Variants in ARHGAP44 observed in about 807,000 individuals in gnomAD.
ARHGAP44 encodes Rho GTPase activating protein 44, also known as rho GTPase-activating protein 44.
Under a neutral mutation model 106.8 loss-of-function variants are expected in ARHGAP44, and 43 were observed. The observed-to-expected ratio is 0.40, with a 90% confidence interval of 0.32 to 0.52. The LOEUF is 0.52. ARHGAP44 is among the 20% of genes least tolerant of loss of function. The pLI is 0.48. For synonymous variants in ARHGAP44, 439 were observed against 410.3 expected, an observed-to-expected ratio of 1.07 and a Z score of -0.85; for missense variants, 866 against 1,050.5, an observed-to-expected ratio of 0.82 and a Z score of 2.43.
At position 12,803,091 on chromosome 17, in the gene ARHGAP44, G is replaced by C. The variant is rs556778595; in HGVS notation, c.53+13200G>C. 8.2e-3 allele frequency among the ~76,000 whole-genome samples: 1,219 copies of C among 148,588 alleles called. 4 individuals carry two copies. The highest frequency in any genetic ancestry group is 0.029 in the African/African-American group (1,173 of 40,310). On this transcript the variant is annotated intron_variant, in intron 1 of 20. Coordinates refer to ENST00000379672, the MANE Select transcript of ARHGAP44 (RefSeq NM_014859.6). ...GGGTTCAAGCAATTCTCCTGCCTCAGCCTCCCGAGTAGCTGGGATTACAGG... is the reference window on the plus strand; with the variant it reads ...GGGTTCAAGCAATTCTCCTGCCTCACCCTCCCGAGTAGCTGGGATTACAGG...
intron 19 of ARHGAP44, 81 bp from the exon 20 acceptor site, chr17:12,984,450 G>GTCCA: frequency 6.8e-7 from 1 of 1,460,110 alleles, no homozygotes; most frequent in South Asian, 1.4e-5. Context: ...TTTGAACGCT[G>GTCCA]AAGGGTGTGT....
At chr17:12,832,006 A>G (rs2035102273) in intron 1 of ARHGAP44, among the ~76,000 whole-genome samples, 1 of 152,188 alleles carries the variant, frequency 6.6e-6, no homozygotes, top group Non-Finnish European at 1.5e-5. Flanking sequence ...ACTGAAGCCT[A>G]GGCCAGAAGA....
At position 12,887,866 on chromosome 17, in the gene ARHGAP44, G is replaced by GTT. The variant is rs540643103; in HGVS notation, c.54-7061_54-7060dup. Among the ~76,000 whole-genome samples, 270 of 126,344 alleles carry GTT rather than the reference G, an allele frequency of 2.1e-3. 1 individual carries two copies. The Middle Eastern group carries it at 0.027, about 13-fold the overall frequency. The allele number at this position is 126,344 out of a possible 152,430, so 82.9% of individuals were successfully genotyped here. ...TATTATGTGTATTGCAATCATTTTT[G>GTT]TTTTTTTTTTTTTTAGGAATTTGTC... On this transcript the variant is annotated intron_variant, in intron 1 of 20. Coordinates refer to ENST00000379672, the MANE Select transcript of ARHGAP44 (RefSeq NM_014859.6).
chr17:12,872,456 G>A (rs2036433703), intron 1 of ARHGAP44, among the ~76,000 whole-genome samples: 1 of 1,870 alleles, frequency 5.3e-4, no homozygotes, highest in Non-Finnish European at 1.7e-3. Context: ...AAACTTTCTC[G>A]AAAGATAGGT....
intron 1 of ARHGAP44, among the ~76,000 whole-genome samples, chr17:12,792,201 C>G (rs780023845): frequency 6.6e-6 from 1 of 152,150 alleles, no homozygotes; most frequent in Non-Finnish European, 1.5e-5. Context: ...TGTGCTCCTT[C>G]CAAGTAGCTT....
chr17:12,868,012 G>T (rs1477256879), intron 1 of ARHGAP44, among the ~76,000 whole-genome samples: 1 of 152,142 alleles, frequency 6.6e-6, no homozygotes, highest in Non-Finnish European at 1.5e-5. Flanking sequence ...ACAAAGAGAC[G>T]GTGGATGAGG....
chr17:12,850,582 G>A (rs1484679405), intron 1 of ARHGAP44, among the ~76,000 whole-genome samples: 1 of 148,202 alleles, frequency 6.7e-6, no homozygotes, highest in Non-Finnish European at 1.5e-5. Flanking sequence ...GGGGTGGAGT[G>A]GAGAGAGGGC....
chr17:12,937,503 G>A (rs766570784), intron 7 of ARHGAP44, among the ~76,000 whole-genome samples: 23 of 152,114 alleles, frequency 1.5e-4, no homozygotes, highest in Non-Finnish European at 3.2e-4. Flanking sequence ...TTTCCGCAGA[G>A]GTTTCTGCTA....
rs1598115499 is a variant in ARHGAP44, at chr17:12,956,872, C to T, written c.1342+126C>T. On this transcript the variant is annotated intron_variant, in intron 15 of 20. Transcript: ENST00000379672. ...TTTTTTTGATTCCCCTATAAACACA[C>T]ACACACACACACACACGCATGCAGA... The T allele has an allele frequency of 1.3e-5, 3 of 223,644 alleles. No homozygotes were observed. In the South Asian group the frequency reaches 1.9e-4, roughly 14 times the overall value. 13.9% of individuals were successfully genotyped at this position (223,644 alleles called of 1,614,324 possible).
chr17:12,952,529 G>C lies in ARHGAP44; in HGVS notation c.1084G>C (p.Ala362Pro). ...CCAGGAGCAAGACAAGAAGCTTCAGGCTCTATGGAATGCTTGTGAAAAGTT... is the reference window on the plus strand; with the variant it reads ...CCAGGAGCAAGACAAGAAGCTTCAGCCTCTATGGAATGCTTGTGAAAAGTT... ...NVQEQDKKLQ[A>P]LWNACEKLPK... is the part of the protein sequence containing the mutation. Residue 362 changes from alanine (A) to proline (P), a missense_variant, in exon 13 of 21, where the codon GCT becomes CCT. By Grantham distance (27) the Ala-to-Pro change is conservative. This residue lies in a region of ARHGAP44 where 448 missense variants were observed against 646.9 expected (regional missense o/e 0.69). Coordinates refer to ENST00000379672, the MANE Select transcript of ARHGAP44 (RefSeq NM_014859.6). The C allele has an allele frequency of 6.3e-7, 1 of 1,581,862 alleles. No individual in the cohort carries two copies. The highest frequency in any genetic ancestry group is 8.6e-7 in the Non-Finnish European group (1 of 1,163,434).
At chr17:12,812,843 T>G (rs113029436) in intron 1 of ARHGAP44, among the ~76,000 whole-genome samples, 1 of 152,238 alleles carries the variant, frequency 6.6e-6, no homozygotes, top group Non-Finnish European at 1.5e-5. Context: ...AGCTACTCTT[T>G]GAACTGACCT....
chr17:12,952,833 A>G (rs2143112942), intron 13 of ARHGAP44, among the ~76,000 whole-genome samples: 1 of 145,080 alleles, frequency 6.9e-6, no homozygotes, highest in Non-Finnish European at 1.5e-5. Context: ...TCCCAGGTTC[A>G]CACCATTCTC....
chr17:12,873,263 A>G (rs1305090523), intron 1 of ARHGAP44, among the ~76,000 whole-genome samples: 2 of 152,044 alleles, frequency 1.3e-5, no homozygotes, highest in Non-Finnish European at 2.9e-5. Context: ...CTGCTTTGCC[A>G]TTTCAGACTT....
intron 1 of ARHGAP44, among the ~76,000 whole-genome samples, chr17:12,867,287 G>C (rs1446707008): frequency 6.6e-6 from 1 of 152,072 alleles, no homozygotes; most frequent in African/African-American, 2.4e-5. Context: ...CTCTTCTCCT[G>C]TCTCACGGAG....
chr17:12,875,621 G>A (rs181463304), intron 1 of ARHGAP44, among the ~76,000 whole-genome samples: 1 of 151,222 alleles, frequency 6.6e-6, no homozygotes, highest in East Asian at 2.0e-4. Context: ...AAAAGGGGGG[G>A]TGCATTATAA....
In ARHGAP44 at chr17:12,926,466, AATATATATAAT is replaced by A. The variant is rs1040404382; in HGVS notation, c.465-2456_465-2446del. On this transcript the variant is annotated intron_variant, in intron 6 of 20. Coordinates refer to ENST00000379672, the MANE Select transcript of ARHGAP44 (RefSeq NM_014859.6). ...ATATACATAATATATATACATATAT[AATATATATAAT>A]ATATATGTATGTATAATATATGTAT... 1.7e-3 allele frequency among the ~76,000 whole-genome samples: 184 copies of A among 108,290 alleles called. 2 individuals are homozygous for A. Among genetic ancestry groups the A allele is most frequent in the Middle Eastern group, 0.013 (2 of 160 alleles). 71.0% of individuals were successfully genotyped at this position (108,290 alleles called of 152,430 possible).
intron 1 of ARHGAP44, among the ~76,000 whole-genome samples, chr17:12,835,914 G>C (rs907657883): frequency 1.3e-5 from 2 of 152,048 alleles, no homozygotes; most frequent in African/African-American, 2.4e-5. Context: ...TTTGTGTCTG[G>C]CGTATCATTT....
intron 3 of ARHGAP44, among the ~76,000 whole-genome samples, chr17:12,905,751 A>T (rs2037527878): frequency 6.6e-6 from 1 of 152,224 alleles, no homozygotes; most frequent in South Asian, 2.1e-4. Flanking sequence ...TTTCAGAAAG[A>T]TTCAGAAATG....
chr17:12,854,816 G>T (rs1428778870), intron 1 of ARHGAP44, among the ~76,000 whole-genome samples: 1 of 152,010 alleles, frequency 6.6e-6, no homozygotes, highest in African/African-American at 2.4e-5. Flanking sequence ...AAATTAGCCA[G>T]GCGTGGTGGC....
Sources: allele counts gnomAD v4.1 joint callset (sites outside exome capture counted in the v4.1 genomes callset), GRCh38; gene constraint gnomAD v4.1.1; regional missense constraint gnomAD v4.1.1; transcripts MANE v1.5; gene names NCBI Gene and HGNC (gene_info 2026-07-23, HGNC 2026-07-21).